SLC12A2: variants seen among roughly 807,000 people sequenced by gnomAD.
The protein encoded by SLC12A2 is Na-K-2Cl cotransporter 1.
A neutral mutation model predicts 136.3 loss-of-function variants in SLC12A2; 67 were observed. The ratio of observed to expected loss-of-function variants is 0.49; its 90% CI spans 0.40 to 0.60. The LOEUF is 0.60. Ranked by LOEUF, SLC12A2 falls within the 20% of genes least tolerant of loss-of-function variation. The pLI is 0.00. For synonymous variants in SLC12A2, 619 were observed against 562.9 expected (o/e 1.10, Z -1.41); for missense variants, 1,322 against 1,534.7 (o/e 0.86, Z 2.32).
chr5:128,098,197 A>T (rs1331415809), intron 1 of SLC12A2, among the ~76,000 whole-genome samples: 1 of 151,314 alleles, frequency 6.6e-6, no homozygotes, highest in Non-Finnish European at 1.5e-5. Context: ...GATGTTTTTC[A>T]CTCTTCCTTC....
At position 128,084,318 on chromosome 5, in the gene SLC12A2, G is replaced by C. The variant is rs1475773697; in HGVS notation, c.364G>C (p.Ala122Pro). ...GAKQTPADGE[A>P]SGESEPAKGS... is the part of the protein sequence containing the mutation. ...CAAGCAGACCCCCGCGGACGGGGAA[G>C]CCAGCGGCGAGAGCGAGCCGGCTAA... The change falls in exon 1 of 27, where the codon GCC becomes CCC. Residue 122 changes from alanine (A) to proline (P), a missense_variant. Ala to Pro is a conservative substitution (Grantham distance 27, BLOSUM62 -1). Coordinates refer to ENST00000262461, the MANE Select transcript of SLC12A2 (RefSeq NM_001046.3). The surrounding 1 kb of genome is among the most constrained non-coding windows in gnomAD (Gnocchi z 5.6). 1 of 1,546,148 alleles carries C rather than the reference G, an allele frequency of 6.5e-7. No homozygotes were observed. Among genetic ancestry groups the C allele is most frequent in the African/African-American group, 1.4e-5 (1 of 73,774 alleles).
At chr5:128,095,701 A>G (rs955276915) in intron 1 of SLC12A2, among the ~76,000 whole-genome samples, 1 of 152,130 alleles carries the variant, frequency 6.6e-6, no homozygotes, top group Non-Finnish European at 1.5e-5. Context: ...AAAAAAACTC[A>G]TTAGCTATTA....
chr5:128,178,497 G>T, intron 21 of SLC12A2, 70 bp from the exon 22 acceptor site: 1 of 1,154,028 alleles, frequency 8.7e-7, no homozygotes, highest in Non-Finnish European at 1.2e-6. Context: ...ATTAGGAAAT[G>T]ATAGGAATTC....
At position 128,186,935 on chromosome 5, in the gene SLC12A2, A is replaced by G; in HGVS notation, c.*304A>G. 4.7e-6 allele frequency: 1 copy of G among 214,836 alleles called. No homozygotes were observed. The allele number at this position is 214,836 out of a possible 1,614,324, so 13.3% of individuals were successfully genotyped here. ...GTGTTAACTTTTTGATTGATGAAAG[A>G]AGTACAAAAAGCCTTTAGCCTTGAG... On this transcript the variant is annotated 3_prime_UTR_variant, in exon 27 of 27. Coordinates refer to ENST00000262461, the MANE Select transcript of SLC12A2 (RefSeq NM_001046.3).
At chr5:128,090,007 G>A (rs1760251423) in intron 1 of SLC12A2, among the ~76,000 whole-genome samples, 1 of 152,130 alleles carries the variant, frequency 6.6e-6, no homozygotes, top group African/African-American at 2.4e-5. Flanking sequence ...ATTTACATGT[G>A]GCAAAGTCAA....
chr5:128,089,658 C>T (rs13355233), intron 1 of SLC12A2, among the ~76,000 whole-genome samples: 47,257 of 152,026 alleles, frequency 0.31, 8,770 homozygotes, highest in African/African-American at 0.51. Context: ...ATGACTTCTT[C>T]ACTAGCATCT....
intron 2 of SLC12A2, 109 bp from the exon 3 acceptor site, chr5:128,114,103 A>G (rs771473474): frequency 1.2e-4 from 89 of 772,420 alleles, no homozygotes; most frequent in Admixed American, 8.2e-4. Context: ...AAAACTACAT[A>G]TCTTCTGTAG....
chr5:128,150,005 A>G lies in SLC12A2; in HGVS notation c.2014A>G (p.Asn672Asp). 1 of 1,608,222 alleles carries G rather than the reference A, an allele frequency of 6.2e-7. No individual in the cohort carries two copies. The highest frequency in any genetic ancestry group is 8.5e-7 in the Non-Finnish European group (1 of 1,176,230). ...ALGFILIAELNVIAPIISNFF... is the reference protein window; with the variant it reads ...ALGFILIAELDVIAPIISNFF... Reference sequence around the variant, plus strand: ...ATGTGTTTGTTCTGCAGCTGAACTGAATGTTATTGCACCAATTATCTCAAA... The same window carrying G: ...ATGTGTTTGTTCTGCAGCTGAACTGGATGTTATTGCACCAATTATCTCAAA... Residue 672 changes from asparagine (N) to aspartate (D), a missense_variant, in exon 13 of 27, where the codon AAT becomes GAT. Transcript: ENST00000262461.
chr5:128,160,892 G>A (rs554194707), intron 16 of SLC12A2, among the ~76,000 whole-genome samples: 1 of 151,942 alleles, frequency 6.6e-6, no homozygotes, highest in South Asian at 2.1e-4. Context: ...TAGGGTGGTA[G>A]AAGGATACTT....
intron 21 of SLC12A2, 47 bp from the exon 22 acceptor site, chr5:128,178,519 CT>C: frequency 7.1e-7 from 1 of 1,413,150 alleles, no homozygotes; most frequent in South Asian, 1.5e-5. Context: ...GCAAAAGGGA[CT>C]TTAATATTTA....
At chr5:128,100,231 G>A (rs1294622946) in intron 1 of SLC12A2, among the ~76,000 whole-genome samples, 2 of 152,098 alleles carry the variant, frequency 1.3e-5, no homozygotes, top group Non-Finnish European at 2.9e-5. Flanking sequence ...ACATCATTAT[G>A]TAGCACTCGA....
rs1445494585 is a variant in SLC12A2, at chr5:128,123,619, C to T, written c.1049-7448C>T. ...TTCTCATGTACTATAAGTGTCTACTCATATTTTGAAGGGTTATTTATTGTA... is the reference window on the plus strand; with the variant it reads ...TTCTCATGTACTATAAGTGTCTACTTATATTTTGAAGGGTTATTTATTGTA... On this transcript the variant is annotated intron_variant, in intron 4 of 26. Coordinates refer to ENST00000262461, the MANE Select transcript of SLC12A2 (RefSeq NM_001046.3). 4.6e-5 allele frequency among the ~76,000 whole-genome samples: 7 copies of T among 152,106 alleles called. No individual in the cohort carries two copies. The East Asian group carries it at 1.2e-3, about 25-fold the overall frequency.
At chr5:128,171,924 G>T (rs1306262807) in intron 19 of SLC12A2, 178 bp downstream of exon 19, 4 of 464,548 alleles carry the variant, frequency 8.6e-6, no homozygotes, top group Non-Finnish European at 1.1e-5. Context: ...TTTTCTCGTT[G>T]TACCAACCTG....
intron 18 of SLC12A2, chr5:128,168,821 C>T (rs1270665481): frequency 6.6e-6 from 1 of 152,248 alleles, no homozygotes; most frequent in East Asian, 1.9e-4. Context: ...CTGCCCATGG[C>T]TCACCTTCTG....
chr5:128,106,545 GTTAT>G (rs1392327497), intron 1 of SLC12A2, among the ~76,000 whole-genome samples: 2 of 152,052 alleles, frequency 1.3e-5, no homozygotes, highest in Admixed American at 1.3e-4. Context: ...CAAATAAAAA[GTTAT>G]TTGCTTTTGA....
chr5:128,161,585 C>T (rs1581124749), intron 16 of SLC12A2, 75 bp from the exon 17 acceptor site: 1 of 929,856 alleles, frequency 1.1e-6, no homozygotes, highest in Non-Finnish European at 1.4e-6. Context: ...GCCAGTATAA[C>T]AGGATGAATC....
At chr5:128,164,692 G>A (rs1050899781) in intron 17 of SLC12A2, among the ~76,000 whole-genome samples, 2 of 152,080 alleles carry the variant, frequency 1.3e-5, no homozygotes, top group South Asian at 2.1e-4. Flanking sequence ...TTGTATAGTT[G>A]TAGAGATGCT....
rs1026850177 is a variant in SLC12A2, at chr5:128,084,044, C to T, written c.90C>T (p.Ala30=). The change falls in exon 1 of 27, where the codon GCC becomes GCT. Residue 30 remains alanine, a synonymous_variant. Transcript: ENST00000262461. This position sits in a 1 kb window ranked among gnomAD's most constrained non-coding sequence, Gnocchi z 5.6. ...CGTCAGCCGCTGCGCTGGCCGCAGC[C>T]AGGGTGGAACTGCCCGGCACGGCTG... is the stretch of plus-strand genomic sequence containing the variant. ...ETPSAAALAA[A]RVELPGTAVP... 341 of 1,276,070 alleles carry T rather than the reference C, an allele frequency of 2.7e-4. No homozygotes were observed. The highest frequency in any genetic ancestry group is 3.3e-4 in the Non-Finnish European group (333 of 1,013,998). The allele number at this position is 1,276,070 out of a possible 1,614,324, so 79.0% of individuals were successfully genotyped here.
At chr5:128,185,937 A>T (rs531357230) in intron 26 of SLC12A2, among the ~76,000 whole-genome samples, 135 of 152,228 alleles carry the variant, frequency 8.9e-4, no homozygotes, top group Non-Finnish European at 1.6e-3. Context: ...TAAGCTGGGC[A>T]TGGTGGTGTG....
Sources: gnomAD v4.1 joint callset for allele counts (sites outside exome capture counted in the v4.1 genomes callset) on GRCh38, gnomAD v4.1.1 for gene constraint, Gnocchi (gnomAD v3.1) non-coding constraint, MANE v1.5 for transcripts, NCBI Gene and HGNC (gene_info 2026-07-23, HGNC 2026-07-21) for gene names.